SORL1-AS1: variants seen among roughly 807,000 people sequenced by gnomAD.
The protein encoded by SORL1-AS1 is SORL1 antisense RNA 1, also known as lncRNA 51 A.
At chr11:121,444,421 G>A (rs761974339), downstream of SORL1-AS1, among the ~76,000 whole-genome samples, 13 of 152,130 alleles carry the variant, frequency 8.5e-5, no homozygotes, top group African/African-American at 2.9e-4. Context: ...ATTTACTTAC[G>A]GATGAAGAAA....
Position 121,452,323 on chromosome 11 carries a change from C to A in SORL1-AS1, n.339+352G>T, listed in dbSNP as rs769280269. ...CGGCGGCGCCACCTGCAGTAGCGTT[C>A]GCCCGAACATGGCGACACGGAGCAG... is the stretch of plus-strand genomic sequence containing the variant. On this transcript the variant is annotated intron_variant and non_coding_transcript_variant, in intron 1 of 1. Coordinates refer to ENST00000501964, the Ensembl canonical transcript of SORL1-AS1. The surrounding 1 kb of genome is among the most constrained non-coding windows in gnomAD (Gnocchi z 5.3). The A allele has an allele frequency of 1.3e-6, 2 of 1,527,542 alleles. No individual in the cohort carries two copies. Among genetic ancestry groups the A allele is most frequent in the Non-Finnish European group, 1.8e-6 (2 of 1,141,380 alleles). 94.6% of individuals were successfully genotyped at this position (1,527,542 alleles called of 1,614,324 possible).
In SORL1-AS1 at chr11:121,452,531, G is replaced by C; in HGVS notation, n.339+144C>G. ...CGGCTGTGGGCGCGCGGGGATGCCA[G>C]GGGGGCGAGCCGCGCGGACGAGAAG... On this transcript the variant is annotated intron_variant and non_coding_transcript_variant, in intron 1 of 1. Coordinates refer to ENST00000501964, the Ensembl canonical transcript of SORL1-AS1. The surrounding 1 kb of genome is among the most constrained non-coding windows in gnomAD (Gnocchi z 5.3). The C allele has an allele frequency of 2.3e-5, 34 of 1,486,412 alleles. No homozygotes were observed. Among genetic ancestry groups the C allele is most frequent in the Non-Finnish European group, 3.0e-5 (34 of 1,123,638 alleles). The allele number at this position is 1,486,412 out of a possible 1,614,324, so 92.1% of individuals were successfully genotyped here. A position where few individuals can be genotyped will look rare whatever the true frequency, so the allele number is the denominator to read the frequency against.
At chr11:121,443,739 T>C (rs56072101), downstream of SORL1-AS1, among the ~76,000 whole-genome samples, 14,401 of 152,240 alleles carry the variant, frequency 0.095, 773 homozygotes, top group Non-Finnish European at 0.12. Context: ...AGAAGGTGTA[T>C]AAATTAGCAT....
the SORL1-AS1 span, among the ~76,000 whole-genome samples, chr11:121,439,024 TCAA>T: frequency 6.6e-6 from 1 of 152,188 alleles, no homozygotes; most frequent in African/African-American, 2.4e-5. Context: ...AGACTCTGTT[TCAA>T]CAACAACAAC....
the SORL1-AS1 span, among the ~76,000 whole-genome samples, chr11:121,441,409 C>T: frequency 4.0e-5 from 6 of 150,698 alleles, no homozygotes; most frequent in South Asian, 8.4e-4. Flanking sequence ...TGGGCGCCTG[C>T]AGTCCCAGCT....
In SORL1-AS1 at chr11:121,452,312, GCA is replaced by G; in HGVS notation, n.339+361_339+362del. On this transcript the variant is annotated intron_variant and non_coding_transcript_variant, in intron 1 of 1. Coordinates refer to ENST00000501964, the Ensembl canonical transcript of SORL1-AS1. The surrounding 1 kb of genome is among the most constrained non-coding windows in gnomAD (Gnocchi z 5.3). The stretch of plus-strand genomic sequence containing the variant: ...TTCTCTCCTGGCGGCGGCGCCACCT[GCA>G]GTAGCGTTCGCCCGAACATGGCGAC... 6.6e-7 allele frequency: 1 copy of G among 1,512,048 alleles called. No individual in the cohort carries two copies. The highest frequency in any genetic ancestry group is 8.8e-7 in the Non-Finnish European group (1 of 1,133,190). 93.7% of individuals were successfully genotyped at this position (1,512,048 alleles called of 1,614,324 possible). A position where few individuals can be genotyped will look rare whatever the true frequency, so the allele number is the denominator to read the frequency against.
chr11:121,440,266 C>T, the SORL1-AS1 span, among the ~76,000 whole-genome samples: 5 of 152,140 alleles, frequency 3.3e-5, no homozygotes, highest in Non-Finnish European at 7.3e-5. Context: ...TCCAGCTACA[C>T]GGGAGGCTGA....
the SORL1-AS1 span, among the ~76,000 whole-genome samples, chr11:121,440,045 T>G: frequency 6.6e-6 from 1 of 152,058 alleles, no homozygotes; most frequent in African/African-American, 2.4e-5. Flanking sequence ...ACAATGGGAT[T>G]TGGTAGTGCT....
chr11:121,438,195 C>T, the SORL1-AS1 span, among the ~76,000 whole-genome samples: 1 of 152,138 alleles, frequency 6.6e-6, no homozygotes, highest in Non-Finnish European at 1.5e-5. Flanking sequence ...TCAGAACTCC[C>T]AATTTGAACC....
the SORL1-AS1 span, among the ~76,000 whole-genome samples, chr11:121,439,398 T>G: frequency 1.4e-4 from 21 of 151,776 alleles, no homozygotes; most frequent in Non-Finnish European, 2.8e-4. Flanking sequence ...TTTATCGAAG[T>G]CTTCTGCTTG....
chr11:121,440,322 C>T, the SORL1-AS1 span, among the ~76,000 whole-genome samples: 3,229 of 152,182 alleles, frequency 0.021, 118 homozygotes, highest in African/African-American at 0.073. Flanking sequence ...TACGGTGAGC[C>T]GAGAGCATGC....
chr11:121,440,374 T>TAAAC, the SORL1-AS1 span, among the ~76,000 whole-genome samples: 1 of 152,056 alleles, frequency 6.6e-6, no homozygotes, highest in African/African-American at 2.4e-5. Flanking sequence ...ACCCTGTCTC[T>TAAAC]AAATAAATAA....
At chr11:121,442,502 G>A (rs1860667631), downstream of SORL1-AS1, among the ~76,000 whole-genome samples, 1 of 151,590 alleles carries the variant, frequency 6.6e-6, no homozygotes. Flanking sequence ...GGGCGTGGTG[G>A]CACGCACCTG....
chr11:121,452,245 C>T lies in SORL1-AS1; in HGVS notation n.339+430G>A, dbSNP rs1860807759. ...GGCCTGGAGCCCCGGGAGCGGCGCG[C>T]GCGGTCCCGGCCCAGCGGCTCTCCT... On this transcript the variant is annotated intron_variant and non_coding_transcript_variant, in intron 1 of 1. Coordinates refer to ENST00000501964, the Ensembl canonical transcript of SORL1-AS1. The surrounding 1 kb of genome is among the most constrained non-coding windows in gnomAD (Gnocchi z 5.3). 4.5e-6 allele frequency: 5 copies of T among 1,107,496 alleles called. No homozygotes were observed. The highest frequency in any genetic ancestry group is 1.6e-5 in the African/African-American group (1 of 60,744). 68.6% of individuals were successfully genotyped at this position (1,107,496 alleles called of 1,614,324 possible).
chr11:121,442,230 C>A, the SORL1-AS1 span, among the ~76,000 whole-genome samples: 1 of 152,154 alleles, frequency 6.6e-6, no homozygotes, highest in Non-Finnish European at 1.5e-5. Context: ...CTTGAATGTG[C>A]TTTACTAGAT....
the SORL1-AS1 span, among the ~76,000 whole-genome samples, chr11:121,440,954 G>C: frequency 6.6e-6 from 1 of 152,140 alleles, no homozygotes; most frequent in Non-Finnish European, 1.5e-5. Context: ...TAGGAGTGTT[G>C]GCTGTGGCCC....
downstream of SORL1-AS1, among the ~76,000 whole-genome samples, chr11:121,444,092 GT>G (rs1565293946): frequency 1.4e-5 from 2 of 145,298 alleles, no homozygotes; most frequent in Non-Finnish European, 3.0e-5. Flanking sequence ...GTGTGTGCGC[GT>G]GGGTGTGTGT....
downstream of SORL1-AS1, among the ~76,000 whole-genome samples, chr11:121,443,019 T>C (rs1051663076): frequency 2.6e-5 from 4 of 151,378 alleles, no homozygotes; most frequent in Non-Finnish European, 4.4e-5. Context: ...AAAGACTCAA[T>C]TGGCATCTCT....
At chr11:121,446,273 T>A (rs921591129), downstream of SORL1-AS1, among the ~76,000 whole-genome samples, 3 of 152,162 alleles carry the variant, frequency 2.0e-5, no homozygotes, top group Non-Finnish European at 4.4e-5. Context: ...AGGCAGAACA[T>A]GATCAACATC....
Sources: gnomAD v4.1 joint callset for allele counts (sites outside exome capture counted in the v4.1 genomes callset) on GRCh38, gnomAD v4.1.1 for gene constraint, Gnocchi (gnomAD v3.1) non-coding constraint, MANE v1.5 for transcripts, NCBI Gene and HGNC (gene_info 2026-07-23, HGNC 2026-07-21) for gene names.